CHSY3: variants seen among roughly 807,000 people sequenced by gnomAD.
CHSY3 encodes the protein chondroitin sulfate synthase 3, also known as N-acetylgalactosaminyl-proteoglycan 3-beta-glucuronosyltransferase 3.
CHSY3 carries 35 observed loss-of-function variants against 67.2 expected under a neutral mutation model. The observed-to-expected ratio is 0.52, with a 90% CI of 0.40 to 0.69. CHSY3 has a LOEUF of 0.69. Ranked by LOEUF, CHSY3 falls within the 30% of genes least tolerant of loss-of-function variation. The probability of loss-of-function intolerance (pLI) is 0.00; values close to 1 mark genes in which losing one functional copy is unlikely to be tolerated. For synonymous variants in CHSY3, 474 were observed against 434.7 expected (o/e 1.09, Z -1.12); for missense variants, 1,069 against 1,138.5 (o/e 0.94, Z 0.88).
At chr5:130,056,367 G>T (rs531911460) in intron 2 of CHSY3, among the ~76,000 whole-genome samples, 1 of 150,946 alleles carries the variant, frequency 6.6e-6, no homozygotes, top group East Asian at 1.9e-4. Flanking sequence ...TCCATTTATT[G>T]TGGTTCCCAT....
rs116921616 is a variant in CHSY3, at chr5:130,054,162, G to A, written c.1087-130067G>A. The stretch of plus-strand genomic sequence containing the variant: ...TTTAATAGCTTCTGGGAGAATTCTG[G>A]CTCATTCTTCTAATTTGTTCTTTCG... On this transcript the variant is annotated intron_variant, in intron 2 of 2. Transcript: ENST00000305031. Among the ~76,000 whole-genome samples, 97 of 152,104 alleles carry A rather than the reference G, an allele frequency of 6.4e-4. No homozygotes were observed. In the East Asian group the frequency reaches 0.015, roughly 23 times the overall value.
chr5:130,089,338 A>G (rs1409638520), intron 2 of CHSY3, among the ~76,000 whole-genome samples: 1 of 151,906 alleles, frequency 6.6e-6, no homozygotes, highest in Non-Finnish European at 1.5e-5. Context: ...TAACCTGCAC[A>G]TTGTGCACAT....
At chr5:130,036,466 C>G (rs891672251) in intron 2 of CHSY3, among the ~76,000 whole-genome samples, 15 of 152,098 alleles carry the variant, frequency 9.9e-5, no homozygotes, top group African/African-American at 3.4e-4. Context: ...GGCTTGGATG[C>G]TGTAAATGCT....
intron 2 of CHSY3, among the ~76,000 whole-genome samples, chr5:130,178,253 A>ATATATATT (rs1205782386): frequency 0.058 from 2,641 of 45,754 alleles, 142 homozygotes; most frequent in Non-Finnish European, 0.08. Flanking sequence ...ATATATATAT[A>ATATATATT]TTTTTTTTTT....
At chr5:129,910,979 A>AT (rs80188117) in intron 2 of CHSY3, among the ~76,000 whole-genome samples, 3,558 of 135,348 alleles carry the variant, frequency 0.026, 114 homozygotes, top group African/African-American at 0.087. Context: ...AAATTTTAGG[A>AT]TTTTTTTTTT....
intron 2 of CHSY3, among the ~76,000 whole-genome samples, chr5:129,921,445 G>T (rs1043597250): frequency 6.6e-6 from 1 of 152,126 alleles, no homozygotes; most frequent in Admixed American, 6.5e-5. Flanking sequence ...GATGACTCAA[G>T]ATTTTATCAC....
At chr5:129,917,886 A>G (rs1760783171) in intron 2 of CHSY3, among the ~76,000 whole-genome samples, 1 of 152,088 alleles carries the variant, frequency 6.6e-6, no homozygotes, top group Non-Finnish European at 1.5e-5. Context: ...AGTGTTTAAA[A>G]CTTCTCAGGT....
Position 129,905,487 on chromosome 5 carries a change from C to A in CHSY3, c.658C>A (p.Pro220Thr). 6.2e-7 allele frequency: 1 copy of A among 1,613,126 alleles called. No homozygotes were observed. The highest frequency in any genetic ancestry group is 8.5e-7 in the Non-Finnish European group (1 of 1,180,016). Residue 220 changes from proline to threonine, a missense_variant, in exon 1 of 3, where the codon CCC (proline) becomes ACC (threonine). Pro to Thr is a conservative substitution (Grantham distance 38, BLOSUM62 -1). Coordinates refer to ENST00000305031, the MANE Select transcript of CHSY3 (RefSeq NM_175856.5). ...CCCCAACGCCGGCCAGCCCCCGCCA[C>A]CCCTGCCTGTCATCGCGCTACCGGG... ...QPPNAGQPPP[P>T]LPVIALPGVD... is the part of the protein sequence containing the mutation.
intron 2 of CHSY3, among the ~76,000 whole-genome samples, chr5:130,148,985 A>G (rs890020323): frequency 2.0e-5 from 3 of 152,302 alleles, no homozygotes; most frequent in Admixed American, 2.0e-4. Flanking sequence ...TATGTCCAGA[A>G]TGGTGTTGCC....
chr5:130,005,003 G>A (rs1475111631), intron 2 of CHSY3, among the ~76,000 whole-genome samples: 1 of 151,996 alleles, frequency 6.6e-6, no homozygotes, highest in Non-Finnish European at 1.5e-5. Flanking sequence ...ATGCTTAAAA[G>A]TATATCATTT....
chr5:129,997,851 A>C (rs1448405874), intron 2 of CHSY3, among the ~76,000 whole-genome samples: 1 of 152,018 alleles, frequency 6.6e-6, no homozygotes, highest in Non-Finnish European at 1.5e-5. Flanking sequence ...CCTTTTTCTT[A>C]TGGCTGCATA....
At chr5:129,949,464 C>T (rs1761960154) in intron 2 of CHSY3, among the ~76,000 whole-genome samples, 1 of 151,986 alleles carries the variant, frequency 6.6e-6, no homozygotes, top group Admixed American at 6.6e-5. Flanking sequence ...AAAAAAGTCT[C>T]CTAACCAAGA....
chr5:130,124,637 A>G (rs1228458841), intron 2 of CHSY3, among the ~76,000 whole-genome samples: 1 of 151,958 alleles, frequency 6.6e-6, no homozygotes, highest in African/African-American at 2.4e-5. Flanking sequence ...TTTAATTTTT[A>G]TTAGAGACGG....
At chr5:130,058,814 C>G (rs1200993213) in intron 2 of CHSY3, among the ~76,000 whole-genome samples, 1 of 152,214 alleles carries the variant, frequency 6.6e-6, no homozygotes. Flanking sequence ...GTCAGCAGGG[C>G]TGTACTACCT....
chr5:130,140,987 G>A (rs1225061936), intron 2 of CHSY3: 2 of 558,256 alleles, frequency 3.6e-6, no homozygotes, highest in Non-Finnish European at 4.7e-6. Context: ...GAAGGCCCTT[G>A]GAAATGCCAA....
intron 2 of CHSY3, among the ~76,000 whole-genome samples, chr5:130,166,722 A>T (rs1472895771): frequency 1.3e-5 from 2 of 152,072 alleles, no homozygotes; most frequent in African/African-American, 4.8e-5. Context: ...TGCCATGCTT[A>T]TGTTATTTTA....
At position 129,912,777 on chromosome 5, in the gene CHSY3, G is replaced by A. The variant is rs578163753; in HGVS notation, c.1086+4417G>A. 6.6e-5 allele frequency among the ~76,000 whole-genome samples: 10 copies of A among 152,198 alleles called. No homozygotes were observed. In the South Asian group the frequency reaches 2.1e-3, roughly 32 times the overall value. On this transcript the variant is annotated intron_variant, in intron 2 of 2. Transcript: ENST00000305031. Reference sequence around the variant, plus strand: ...CAGAATAAAGAGGCCTTTGGTTGAGGGTGAGCCTTATACAGACTGGTTCTT... The same window carrying A: ...CAGAATAAAGAGGCCTTTGGTTGAGAGTGAGCCTTATACAGACTGGTTCTT...
At chr5:130,155,573 G>T (rs1769356173) in intron 2 of CHSY3, among the ~76,000 whole-genome samples, 1 of 152,142 alleles carries the variant, frequency 6.6e-6, no homozygotes, top group Non-Finnish European at 1.5e-5. Flanking sequence ...TATCCTCTAA[G>T]ATGATTAACT....
intron 2 of CHSY3, among the ~76,000 whole-genome samples, chr5:130,116,670 A>G (rs1030219758): frequency 2.0e-5 from 3 of 152,116 alleles, no homozygotes; most frequent in Non-Finnish European, 4.4e-5. Flanking sequence ...CACTACTTGT[A>G]TGGATGGATC....
Sources: allele counts gnomAD v4.1 joint callset (sites outside exome capture counted in the v4.1 genomes callset), GRCh38; gene constraint gnomAD v4.1.1; transcripts MANE v1.5; gene names NCBI Gene and HGNC (gene_info 2026-07-23, HGNC 2026-07-21).